Variants in PPIL2 observed in about 807,000 individuals in gnomAD.
The protein encoded by PPIL2 is peptidylprolyl isomerase like 2.
Under a neutral mutation model 75.2 loss-of-function variants are expected in PPIL2, and 50 were observed. That is an observed-to-expected ratio of 0.66 (90% CI 0.53 to 0.84). The LOEUF (loss-of-function observed/expected upper bound fraction) is 0.84, where lower values mean the gene tolerates loss of function less well. Among genes scored for constraint, PPIL2 ranks in the 40% least tolerant of loss-of-function variants. The pLI is 0.00. For missense variants in PPIL2, 590 were observed against 685.0 expected (o/e 0.86, Z 1.55); for synonymous variants, 245 against 258.8 (o/e 0.95, Z 0.51).
intron 15 of PPIL2, among the ~76,000 whole-genome samples, chr22:21,689,093 A>G (rs564733646): frequency 7.2e-5 from 11 of 152,374 alleles, no homozygotes; most frequent in Non-Finnish European, 1.5e-4. Context: ...CTGGAGGTCC[A>G]GAAGGGCTTC....
Position 21,695,685 on chromosome 22 carries a change from C to G in PPIL2, c.*195C>G, listed in dbSNP as rs574633780. ...TTAACCTGTTGCCAAGGGCCTTGGC[C>G]CTGTTTCCAGGACCTGGCCCAGCCA... On this transcript the variant is annotated 3_prime_UTR_variant, in exon 20 of 20. Transcript: ENST00000398831. 7.9e-6 allele frequency: 11 copies of G among 1,393,142 alleles called. No individual in the cohort carries two copies. In the Admixed American group the frequency reaches 1.2e-4, roughly 15 times the overall value. The allele number at this position is 1,393,142 out of a possible 1,614,324, so 86.3% of individuals were successfully genotyped here.
chr22:21,667,711 G>T (rs1280408035), intron 1 of PPIL2, among the ~76,000 whole-genome samples: 2 of 150,962 alleles, frequency 1.3e-5, no homozygotes, highest in Non-Finnish European at 2.9e-5. Context: ...CCCCAGTCTT[G>T]TGTAGTTAGT....
intron 13 of PPIL2, 125 bp from the exon 14 acceptor site, chr22:21,687,948 C>A: frequency 7.6e-7 from 1 of 1,314,962 alleles, no homozygotes; most frequent in Admixed American, 1.8e-5. Flanking sequence ...GGGAGGGCCC[C>A]TCATTATCAC....
At chr22:21,667,577 A>G (rs1413938350) in intron 1 of PPIL2, among the ~76,000 whole-genome samples, 3 of 152,010 alleles carry the variant, frequency 2.0e-5, no homozygotes, top group Non-Finnish European at 2.9e-5. Context: ...CATCGACTTC[A>G]GCGGTCTTTC....
intron 6 of PPIL2, among the ~76,000 whole-genome samples, chr22:21,676,065 G>A (rs1446643842): frequency 6.6e-6 from 1 of 152,222 alleles, no homozygotes; most frequent in Non-Finnish European, 1.5e-5. Context: ...AGATGCTGTA[G>A]CACCTGAGGC....
At chr22:21,676,570 T>G (rs1210408) in intron 6 of PPIL2, among the ~76,000 whole-genome samples, 148,459 of 151,356 alleles carry the variant, frequency 0.98, 72,890 homozygotes, top group African/African-American at 1. Flanking sequence ...GACTCTTAAC[T>G]AGCATGCTGC....
In PPIL2 at chr22:21,696,300, C is replaced by T. The variant is rs1473665226; in HGVS notation, c.*810C>T. Reference sequence around the variant, plus strand: ...TCAAGCCTGCCTGGCGTCTCTGTGCCCCTGTGAGAATCTTGAGGGGACCCA... The same window carrying T: ...TCAAGCCTGCCTGGCGTCTCTGTGCTCCTGTGAGAATCTTGAGGGGACCCA... On this transcript the variant is annotated 3_prime_UTR_variant, in exon 20 of 20. Coordinates refer to ENST00000398831, the MANE Select transcript of PPIL2 (RefSeq NM_014337.4). 1 of 1,047,952 alleles carries T rather than the reference C, an allele frequency of 9.5e-7. No individual in the cohort carries two copies. Among genetic ancestry groups the T allele is most frequent in the Non-Finnish European group, 1.2e-6 (1 of 867,772 alleles). The allele number at this position is 1,047,952 out of a possible 1,614,324, so 64.9% of individuals were successfully genotyped here.
intron 7 of PPIL2, among the ~76,000 whole-genome samples, chr22:21,681,646 C>T (rs2148534508): frequency 6.6e-6 from 1 of 152,354 alleles, no homozygotes; most frequent in South Asian, 2.1e-4. Context: ...GACCCTTAAA[C>T]CCCAAGAGGT....
At chr22:21,677,012 C>T (rs11705326) in intron 6 of PPIL2, among the ~76,000 whole-genome samples, 45,512 of 150,038 alleles carry the variant, frequency 0.3, 7,096 homozygotes, top group Non-Finnish European at 0.35. Context: ...TTGGACGGGG[C>T]GGCTGGCCGG....
chr22:21,696,507 A>AC lies in PPIL2; in HGVS notation c.*1021dup, dbSNP rs1454386298. 11 of 1,281,106 alleles carry AC rather than the reference A, an allele frequency of 8.6e-6. No homozygotes were observed. Among genetic ancestry groups the AC allele is most frequent in the Admixed American group, 3.4e-5 (1 of 29,662 alleles). 79.4% of individuals were successfully genotyped at this position (1,281,106 alleles called of 1,614,324 possible). On this transcript the variant is annotated 3_prime_UTR_variant, in exon 20 of 20. Coordinates refer to ENST00000398831, the MANE Select transcript of PPIL2 (RefSeq NM_014337.4). The stretch of plus-strand genomic sequence containing the variant: ...CTGCATCAGCAGCCCTTAAAGAAAG[A>AC]CCCCTCCCTCAACCCCCATTTTTCT...
intron 15 of PPIL2, among the ~76,000 whole-genome samples, chr22:21,690,538 C>CT (rs1466300749): frequency 6.6e-6 from 1 of 152,174 alleles, no homozygotes; most frequent in Non-Finnish European, 1.5e-5. Flanking sequence ...CTGTGCTGAC[C>CT]TTTTTTTCTC....
chr22:21,684,395 T>A (rs2067255707), intron 9 of PPIL2, among the ~76,000 whole-genome samples: 1 of 129,000 alleles, frequency 7.8e-6, no homozygotes, highest in Non-Finnish European at 1.5e-5. Flanking sequence ...GAACTTGCAG[T>A]GAGCCGAGAT....
chr22:21,670,178 C>A, intron 2 of PPIL2: 1 of 911,746 alleles, frequency 1.1e-6, no homozygotes, highest in Non-Finnish European at 1.6e-6. Context: ...TTAAAATATT[C>A]CCCGATGCTG....
intron 19 of PPIL2, 44 bp from the exon 20 acceptor site, chr22:21,695,350 G>A: frequency 6.4e-7 from 1 of 1,560,172 alleles, no homozygotes; most frequent in East Asian, 2.4e-5. Flanking sequence ...GTCAGGAGGG[G>A]CTGAGGGAGG....
intron 9 of PPIL2, 96 bp from the exon 10 acceptor site, chr22:21,684,657 G>T: frequency 6.8e-7 from 1 of 1,460,076 alleles, no homozygotes; most frequent in Non-Finnish European, 9.2e-7. Flanking sequence ...CGCCATGGCT[G>T]GACGGCCCTG....
Position 21,695,532 on chromosome 22 carries a change from T to TG in PPIL2, c.*47dup, listed in dbSNP as rs1202599261. On this transcript the variant is annotated 3_prime_UTR_variant, in exon 20 of 20. Transcript: ENST00000398831. ...GTGGACCTTGGTGGGGTTGCAGGGC[T>TG]GGGGGCCCATGTCCACATCTCCATT... 7 of 1,559,212 alleles carry TG rather than the reference T, an allele frequency of 4.5e-6. No homozygotes were observed. Among genetic ancestry groups the TG allele is most frequent in the Non-Finnish European group, 8.7e-7 (1 of 1,151,310 alleles).
intron 11 of PPIL2, 121 bp from the exon 12 acceptor site, chr22:21,686,771 C>T: frequency 9.0e-7 from 1 of 1,113,144 alleles, no homozygotes; most frequent in Non-Finnish European, 1.3e-6. Flanking sequence ...GCCTCCAGCT[C>T]CCCTGCTCTC....
At chr22:21,691,666 T>A (rs963552689) in intron 15 of PPIL2, among the ~76,000 whole-genome samples, 8 of 150,280 alleles carry the variant, frequency 5.3e-5, no homozygotes, top group African/African-American at 1.2e-4. Context: ...CCAGCCTGGG[T>A]GACAGAGCGA....
At chr22:21,671,925 A>G (rs1022479368) in intron 4 of PPIL2, among the ~76,000 whole-genome samples, 1 of 151,950 alleles carries the variant, frequency 6.6e-6, no homozygotes, top group African/African-American at 2.4e-5. Context: ...GGTGGTGTGC[A>G]CCTGTAGTCC....
Sources: allele counts gnomAD v4.1 joint callset (sites outside exome capture counted in the v4.1 genomes callset), GRCh38; gene constraint gnomAD v4.1.1; transcripts MANE v1.5; gene names NCBI Gene and HGNC (gene_info 2026-07-23, HGNC 2026-07-21).